ESR1: variants seen among roughly 807,000 people sequenced by gnomAD.
ESR1 encodes the protein estrogen receptor 1, also known as estrogen receptor.
Under a neutral mutation model 52.7 loss-of-function variants are expected in ESR1, and 12 were observed. That is an observed-to-expected ratio of 0.23 (90% confidence interval 0.15 to 0.37). The LOEUF (loss-of-function observed/expected upper bound fraction) is 0.37. Ranked by LOEUF, ESR1 falls within the 10% of genes least tolerant of loss-of-function variation. ESR1 has a pLI of 1.00. For synonymous variants in ESR1, 305 were observed against 316.8 expected (o/e 0.96, Z 0.39); for missense variants, 584 against 779.7 (o/e 0.75, Z 2.99).
At chr6:151,878,177 G>T (rs768524147) in intron 2 of ESR1, among the ~76,000 whole-genome samples, 17 of 152,226 alleles carry the variant, frequency 1.1e-4, no homozygotes, top group Non-Finnish European at 2.2e-4. Flanking sequence ...TACCACAGGA[G>T]ACTAAACACT....
rs200602836 is a variant in ESR1, at chr6:151,883,862, GCTT to G, written c.760+3104_760+3106del. ...ATGGCCTTTTCTCGGGGCATCCACA[GCTT>G]CTTCTTCTTCTTACGAAGACACCAG... On this transcript the variant is annotated intron_variant, in intron 3 of 7. Transcript: ENST00000206249. Among the ~76,000 whole-genome samples, 152 of 152,220 alleles carry G rather than the reference GCTT, an allele frequency of 1.0e-3. 3 individuals are homozygous for G. The East Asian group carries it at 0.025, about 25-fold the overall frequency.
chr6:152,101,716 A>G lies in ESR1; in HGVS notation c.*2750A>G. 1 of 230,776 alleles carries G rather than the reference A, an allele frequency of 4.3e-6. No individual in the cohort carries two copies. Among genetic ancestry groups the G allele is most frequent in the Non-Finnish European group, 8.6e-6 (1 of 116,532 alleles). 14.3% of individuals were successfully genotyped at this position (230,776 alleles called of 1,614,324 possible). A position where few individuals can be genotyped will look rare whatever the true frequency, so the allele number is the denominator to read the frequency against. Reference sequence around the variant, plus strand: ...AGTTAAAATGTAAAAGATGTGATTTATCTGGGGGGCTCAGGTATGGTGGGG... The same window carrying G: ...AGTTAAAATGTAAAAGATGTGATTTGTCTGGGGGGCTCAGGTATGGTGGGG... On this transcript the variant is annotated 3_prime_UTR_variant, in exon 8 of 8. Coordinates refer to ENST00000206249, the MANE Select transcript of ESR1 (RefSeq NM_000125.4).
intron 6 of ESR1, among the ~76,000 whole-genome samples, chr6:152,080,196 T>A (rs1188139208): frequency 6.6e-6 from 1 of 151,926 alleles, no homozygotes; most frequent in Non-Finnish European, 1.5e-5. Context: ...AATTTTCAGA[T>A]TTAAAAAGTA....
chr6:152,080,822 GA>G (rs1309441001), intron 6 of ESR1, among the ~76,000 whole-genome samples: 15 of 145,626 alleles, frequency 1.0e-4, no homozygotes, highest in South Asian at 8.7e-4. Flanking sequence ...CAAATGGAAA[GA>G]AAAAAAAAAG....
chr6:152,078,596 C>A (rs1007643985), intron 6 of ESR1, among the ~76,000 whole-genome samples: 32 of 152,266 alleles, frequency 2.1e-4, no homozygotes, highest in African/African-American at 7.5e-4. Context: ...AACTGAGGCA[C>A]CTGGTTCATC....
At position 152,102,370 on chromosome 6, in the gene ESR1, G is replaced by GAGTGATCA; in HGVS notation, c.*3405_*3412dup. On this transcript the variant is annotated 3_prime_UTR_variant, in exon 8 of 8. Coordinates refer to ENST00000206249, the MANE Select transcript of ESR1 (RefSeq NM_000125.4). ...TTATGAGATGGACTGTGGGTACTGG[G>GAGTGATCA]AGTGATCACTAACACCATAGTAATG... is the stretch of plus-strand genomic sequence containing the variant. 1 of 208,432 alleles carries GAGTGATCA rather than the reference G, an allele frequency of 4.8e-6. No individual in the cohort carries two copies. The highest frequency in any genetic ancestry group is 7.3e-5 in the East Asian group (1 of 13,706). 12.9% of individuals were successfully genotyped at this position (208,432 alleles called of 1,614,324 possible).
intron 3 of ESR1, among the ~76,000 whole-genome samples, chr6:151,923,424 A>G (rs1278861670): frequency 1.3e-5 from 2 of 152,178 alleles, no homozygotes; most frequent in Non-Finnish European, 2.9e-5. Context: ...AATAGTTTCT[A>G]TCGCTGTAGC....
chr6:151,903,867 AT>A (rs1003633419), intron 3 of ESR1, among the ~76,000 whole-genome samples: 59 of 152,366 alleles, frequency 3.9e-4, no homozygotes, highest in Admixed American at 3.1e-3. Context: ...TATTAAAAAA[AT>A]ATATTTATCT....
At chr6:151,972,750 C>T (rs1031307120) in intron 4 of ESR1, among the ~76,000 whole-genome samples, 14 of 152,048 alleles carry the variant, frequency 9.2e-5, no homozygotes, top group Admixed American at 1.3e-4. Context: ...TTGACTCACA[C>T]GATCACAAGG....
chr6:151,705,527 A>T (rs573799794), intron 2 of ESR1, among the ~76,000 whole-genome samples: 1 of 152,360 alleles, frequency 6.6e-6, no homozygotes, highest in South Asian at 2.1e-4. Context: ...TTGGTAAATC[A>T]CACATGAATA....
Position 151,899,380 on chromosome 6 carries a change from C to A in ESR1, c.760+18609C>A, listed in dbSNP as rs1165863130. 1.1e-4 allele frequency among the ~76,000 whole-genome samples: 13 copies of A among 121,712 alleles called. 1 individual carries two copies. Among genetic ancestry groups the A allele is most frequent in the African/African-American group, 3.5e-4 (10 of 28,800 alleles). 79.8% of individuals were successfully genotyped at this position (121,712 alleles called of 152,430 possible). Reference sequence around the variant, plus strand: ...CCCCCCACCTCCTTCCCGGACGGGGCGGCTGGCCGGGCAGAGGGGCTCCTC... The same window carrying A: ...CCCCCCACCTCCTTCCCGGACGGGGAGGCTGGCCGGGCAGAGGGGCTCCTC... On this transcript the variant is annotated intron_variant, in intron 3 of 7. Transcript: ENST00000206249.
chr6:151,796,165 C>CAA (rs546866561), intron 2 of ESR1, among the ~76,000 whole-genome samples: 19 of 79,044 alleles, frequency 2.4e-4, no homozygotes, highest in Non-Finnish European at 2.7e-4. Context: ...GACTCCGTCT[C>CAA]AAAAAAAAAA....
At chr6:151,664,800 T>G (rs1464825514) in intron 1 of ESR1, among the ~76,000 whole-genome samples, 2 of 152,208 alleles carry the variant, frequency 1.3e-5, no homozygotes, top group Non-Finnish European at 2.9e-5. Context: ...AAATGTATTG[T>G]GTCTGTGTTT....
rs775806382 is a variant in ESR1 at position 152,098,821 on chromosome 6, G to A, written c.1643G>A (p.Arg548His). 42 of 1,614,050 alleles carry A rather than the reference G, an allele frequency of 2.6e-5. No individual in the cohort carries two copies. Among genetic ancestry groups the A allele is most frequent in the East Asian group, 1.3e-4 (6 of 44,882 alleles). Residue 548 changes from arginine (R) to histidine (H), a missense_variant, in exon 8 of 8, where the codon CGC (arginine) becomes CAC (histidine). Coordinates refer to ENST00000206249, the MANE Select transcript of ESR1 (RefSeq NM_000125.4). This position sits in a 1 kb window ranked among gnomAD's most constrained non-coding sequence, Gnocchi z 5.1. ...CTGCTGGAGATGCTGGACGCCCACC[G>A]CCTACATGCGCCCACTAGCCGTGGA... ...DLLLEMLDAHRLHAPTSRGGA... is the reference protein window; with the variant it reads ...DLLLEMLDAHHLHAPTSRGGA...
At chr6:152,031,530 A>G (rs2044704811) in intron 5 of ESR1, among the ~76,000 whole-genome samples, 1 of 152,340 alleles carries the variant, frequency 6.6e-6, no homozygotes, top group East Asian at 1.9e-4. Context: ...AATAAACTAG[A>G]ACATCTAGAA....
intron 4 of ESR1, among the ~76,000 whole-genome samples, chr6:151,986,419 T>G (rs752173153): frequency 1.1e-4 from 17 of 152,080 alleles, no homozygotes; most frequent in Non-Finnish European, 2.1e-4. Flanking sequence ...TACAACCATT[T>G]ATGTTGAATT....
intron 2 of ESR1, among the ~76,000 whole-genome samples, chr6:151,753,517 C>G (rs150368689): frequency 6.6e-6 from 1 of 151,954 alleles, no homozygotes; most frequent in Admixed American, 6.6e-5. Flanking sequence ...AAGGTTTCAC[C>G]GTGTTGACTA....
chr6:151,661,287 G>A (rs1041991631), intron 1 of ESR1, among the ~76,000 whole-genome samples: 3 of 152,202 alleles, frequency 2.0e-5, no homozygotes, highest in Non-Finnish European at 4.4e-5. Flanking sequence ...TCCAGGAGAT[G>A]AAAGTGGGAA....
At chr6:152,039,310 A>G (rs1002769080) in intron 5 of ESR1, among the ~76,000 whole-genome samples, 1 of 152,120 alleles carries the variant, frequency 6.6e-6, no homozygotes, top group Non-Finnish European at 1.5e-5. Flanking sequence ...TAATACTAAG[A>G]GACACCCTAA....
Sources: allele counts gnomAD v4.1 joint callset (sites outside exome capture counted in the v4.1 genomes callset), GRCh38; gene constraint gnomAD v4.1.1; non-coding constraint Gnocchi (gnomAD v3.1); transcripts MANE v1.5; gene names NCBI Gene and HGNC (gene_info 2026-07-23, HGNC 2026-07-21).